Variants in CNTN4 observed in about 807,000 individuals in gnomAD.
CNTN4 encodes the protein contactin-4.
CNTN4 carries 77 observed loss-of-function variants against 122.5 expected under a neutral mutation model. The observed-to-expected ratio is 0.63, with a 90% confidence interval of 0.52 to 0.76. The LOEUF is 0.76. Ranked by LOEUF, CNTN4 falls within the 30% of genes least tolerant of loss-of-function variation. CNTN4 has a pLI of 0.00. For missense variants in CNTN4, 1,256 were observed against 1,259.1 expected (o/e 1.00, Z 0.04); for synonymous variants, 512 against 447.0 (o/e 1.15, Z -1.83).
chr3:2,191,138 T>C (rs2037524908), intron 2 of CNTN4, among the ~76,000 whole-genome samples: 1 of 152,088 alleles, frequency 6.6e-6, no homozygotes, highest in Non-Finnish European at 1.5e-5. Flanking sequence ...CTTGCTATGT[T>C]GCCCAGGCTG....
chr3:2,205,039 A>C (rs908317505), intron 2 of CNTN4, among the ~76,000 whole-genome samples: 1 of 152,052 alleles, frequency 6.6e-6, no homozygotes, highest in African/African-American at 2.4e-5. Context: ...TAAAATAGTT[A>C]CTTTTTTCAA....
chr3:2,424,751 C>T lies in CNTN4; in HGVS notation c.-89+85518C>T, dbSNP rs569789599. 3.1e-4 allele frequency among the ~76,000 whole-genome samples: 47 copies of T among 152,196 alleles called. 1 individual carries two copies. Among genetic ancestry groups the T allele is most frequent in the Admixed American group, 2.7e-3 (42 of 15,290 alleles). On this transcript the variant is annotated intron_variant, in intron 3 of 24. Coordinates refer to ENST00000418658, the MANE Select transcript of CNTN4 (RefSeq NM_175607.3). Reference sequence around the variant, plus strand: ...TGTTGTTTCCTGACTCTTTAATGATCGCCATTCTAACTGGTGTGAGATGGC... The same window carrying T: ...TGTTGTTTCCTGACTCTTTAATGATTGCCATTCTAACTGGTGTGAGATGGC...
At chr3:2,593,915 A>T (rs972450998) in intron 4 of CNTN4, among the ~76,000 whole-genome samples, 2 of 152,194 alleles carry the variant, frequency 1.3e-5, no homozygotes, top group African/African-American at 4.8e-5. Flanking sequence ...ATATAAAATC[A>T]TATATTTCAG....
chr3:2,658,806 G>A (rs1437556951), intron 4 of CNTN4, among the ~76,000 whole-genome samples: 4 of 152,012 alleles, frequency 2.6e-5, no homozygotes, highest in Admixed American at 6.6e-5. Flanking sequence ...TTAGTTTCAA[G>A]CCTTTTTTTA....
chr3:2,738,280 C>A (rs1291752079), intron 5 of CNTN4, among the ~76,000 whole-genome samples: 1 of 152,092 alleles, frequency 6.6e-6, no homozygotes, highest in Non-Finnish European at 1.5e-5. Context: ...TCAAAGAGAT[C>A]ACAAACTGGC....
intron 3 of CNTN4, among the ~76,000 whole-genome samples, chr3:2,406,659 A>C (rs2151003720): frequency 6.6e-6 from 1 of 152,256 alleles, no homozygotes; most frequent in East Asian, 1.9e-4. Context: ...GCTTTGTAAT[A>C]TTGTACAACA....
At chr3:2,764,455 G>T (rs1026007765) in intron 6 of CNTN4, among the ~76,000 whole-genome samples, 14 of 152,172 alleles carry the variant, frequency 9.2e-5, no homozygotes, top group Non-Finnish European at 1.9e-4. Context: ...CAAGGGATTC[G>T]AAGAAGACCT....
chr3:2,887,746 A>G (rs999892868), intron 10 of CNTN4, among the ~76,000 whole-genome samples: 5 of 152,166 alleles, frequency 3.3e-5, no homozygotes, highest in Non-Finnish European at 7.3e-5. Context: ...CTCACCCCAA[A>G]GACTTTTTAT....
At chr3:2,626,307 C>A (rs2082183585) in intron 4 of CNTN4, among the ~76,000 whole-genome samples, 1 of 151,930 alleles carries the variant, frequency 6.6e-6, no homozygotes, top group Non-Finnish European at 1.5e-5. Context: ...TCCTGGCTAA[C>A]ACGGTGAAAC....
At chr3:2,722,832 T>C (rs1353330425) in intron 4 of CNTN4, among the ~76,000 whole-genome samples, 2 of 152,310 alleles carry the variant, frequency 1.3e-5, no homozygotes, top group African/African-American at 2.4e-5. Context: ...ATCCCCTCTT[T>C]TATAATGTTT....
chr3:2,506,269 A>G (rs904063173), intron 3 of CNTN4, among the ~76,000 whole-genome samples: 1 of 152,192 alleles, frequency 6.6e-6, no homozygotes, highest in African/African-American at 2.4e-5. Context: ...AGCCTCTGCT[A>G]TCTACCTAGC....
intron 3 of CNTN4, among the ~76,000 whole-genome samples, chr3:2,529,752 G>A (rs2077529020): frequency 6.6e-6 from 1 of 152,164 alleles, no homozygotes; most frequent in South Asian, 2.1e-4. Context: ...TGAGTAACTT[G>A]GTAATGGTGA....
intron 14 of CNTN4, among the ~76,000 whole-genome samples, chr3:2,990,364 A>G (rs114957053): frequency 0.018 from 2,725 of 152,348 alleles, 34 homozygotes; most frequent in Middle Eastern, 0.031. Context: ...TAATTAGCAT[A>G]GAGAAGTGAG....
At chr3:2,427,204 C>T (rs550554597) in intron 3 of CNTN4, among the ~76,000 whole-genome samples, 154 of 152,264 alleles carry the variant, frequency 1.0e-3, no homozygotes, top group Non-Finnish European at 1.7e-3. Flanking sequence ...CTCTTGTGGG[C>T]ATTTAGTGCT....
intron 4 of CNTN4, among the ~76,000 whole-genome samples, chr3:2,643,256 C>G (rs547213506): frequency 1.3e-5 from 2 of 152,296 alleles, no homozygotes; most frequent in Admixed American, 1.3e-4. Flanking sequence ...TCACTGCAAC[C>G]TCTGCCTCCC....
chr3:2,673,250 A>G lies in CNTN4; in HGVS notation c.56-62965A>G, dbSNP rs574635999. ...CCCAGAAGCAGTAAAATAGGTATAA[A>G]AGGGAGTGCTTTTGGGTGGCTATGT... On this transcript the variant is annotated intron_variant, in intron 4 of 24. Coordinates refer to ENST00000418658, the MANE Select transcript of CNTN4 (RefSeq NM_175607.3). Among the ~76,000 whole-genome samples, 14 of 152,226 alleles carry G rather than the reference A, an allele frequency of 9.2e-5. No homozygotes were observed. The East Asian group carries it at 2.7e-3, about 29-fold the overall frequency.
chr3:2,430,527 T>G (rs2048028191), intron 3 of CNTN4, among the ~76,000 whole-genome samples: 1 of 146,844 alleles, frequency 6.8e-6, no homozygotes, highest in Non-Finnish European at 1.5e-5. Flanking sequence ...TCTTAGAACC[T>G]CCCCTAGTTT....
At chr3:2,722,535 A>G (rs908188906) in intron 4 of CNTN4, among the ~76,000 whole-genome samples, 1 of 152,150 alleles carries the variant, frequency 6.6e-6, no homozygotes, top group East Asian at 1.9e-4. Context: ...AATGAAGAGG[A>G]CAGGTGGATG....
intron 3 of CNTN4, among the ~76,000 whole-genome samples, chr3:2,502,433 A>G (rs971201983): frequency 1.3e-5 from 2 of 152,124 alleles, no homozygotes; most frequent in Non-Finnish European, 2.9e-5. Context: ...AATTCCAGGA[A>G]GTACATTTAC....
Sources: gnomAD v4.1 joint callset for allele counts (sites outside exome capture counted in the v4.1 genomes callset) on GRCh38, gnomAD v4.1.1 for gene constraint, MANE v1.5 for transcripts, NCBI Gene and HGNC (gene_info 2026-07-23, HGNC 2026-07-21) for gene names.